CREB5: variants seen among roughly 807,000 people sequenced by gnomAD.
The protein encoded by CREB5 is cyclic AMP-responsive element-binding protein 5.
CREB5 carries 19 observed loss-of-function variants against 57.1 expected under a neutral mutation model. The ratio of observed to expected loss-of-function variants is 0.33; its 90% CI spans 0.23 to 0.49. The LOEUF (loss-of-function observed/expected upper bound fraction) is 0.49. Ranked by LOEUF, CREB5 falls within the 20% of genes least tolerant of loss-of-function variation. CREB5 has a pLI of 0.99. For missense variants in CREB5, 579 were observed against 671.6 expected (o/e 0.86, Z 1.52); for synonymous variants, 238 against 238.3 (o/e 1.00, Z 0.01).
intron 5 of CREB5, among the ~76,000 whole-genome samples, chr7:28,633,691 A>C: frequency 6.6e-6 from 1 of 152,126 alleles, no homozygotes; most frequent in East Asian, 1.9e-4. Flanking sequence ...CAGCCATGAC[A>C]GTAGTGGGGG....
At chr7:28,546,167 G>A (rs1794415802) in intron 4 of CREB5, among the ~76,000 whole-genome samples, 2 of 152,160 alleles carry the variant, frequency 1.3e-5, no homozygotes, top group South Asian at 4.1e-4. Flanking sequence ...GACTGGTTTT[G>A]TTTATTTAGC....
intron 4 of CREB5, among the ~76,000 whole-genome samples, chr7:28,551,943 CTTT>C (rs1794672241): frequency 8.2e-6 from 1 of 121,260 alleles, no homozygotes; most frequent in Non-Finnish European, 1.7e-5. Context: ...TTTTTTCTCT[CTTT>C]TTTATTCTTT....
At chr7:28,719,804 G>C (rs1194266950) in intron 6 of CREB5, among the ~76,000 whole-genome samples, 1 of 152,208 alleles carries the variant, frequency 6.6e-6, no homozygotes, top group Non-Finnish European at 1.5e-5. Flanking sequence ...GCTCTCGCCT[G>C]TAATCCCAGC....
chr7:28,488,352 A>C, intron 2 of CREB5, 106 bp downstream of exon 2: 1 of 894,358 alleles, frequency 1.1e-6, no homozygotes, highest in Non-Finnish European at 1.8e-6. Flanking sequence ...CTTCTTTACC[A>C]AGACACCACC....
At chr7:28,390,430 T>C (rs1317718888) in intron 1 of CREB5, among the ~76,000 whole-genome samples, 1 of 152,170 alleles carries the variant, frequency 6.6e-6, no homozygotes, top group African/African-American at 2.4e-5. Flanking sequence ...AAACCAGAAA[T>C]GAAATATGTT....
intron 8 of CREB5, among the ~76,000 whole-genome samples, chr7:28,804,996 TA>T (rs1808624451): frequency 1.3e-5 from 2 of 152,314 alleles, no homozygotes; most frequent in South Asian, 4.1e-4. Context: ...ATCTTCTGAG[TA>T]ACAGTGAATG....
At chr7:28,617,366 G>A (rs561813049) in intron 5 of CREB5, among the ~76,000 whole-genome samples, 4 of 152,318 alleles carry the variant, frequency 2.6e-5, no homozygotes, top group South Asian at 2.1e-4. Flanking sequence ...ATGAGGACTG[G>A]TTTGAGGACA....
At chr7:28,386,590 GC>G (rs1787109869) in intron 1 of CREB5, among the ~76,000 whole-genome samples, 1 of 152,068 alleles carries the variant, frequency 6.6e-6, no homozygotes, top group African/African-American at 2.4e-5. Flanking sequence ...AAAATTCTAT[GC>G]CATTTTTACT....
intron 1 of CREB5, among the ~76,000 whole-genome samples, chr7:28,455,508 T>TA (rs939206319): frequency 1.3e-5 from 2 of 152,222 alleles, no homozygotes; most frequent in Non-Finnish European, 2.9e-5. Context: ...ATGCTGTTTG[T>TA]AAATTAAATC....
chr7:28,365,779 C>A (rs62451075), intron 1 of CREB5, among the ~76,000 whole-genome samples: 66,749 of 151,948 alleles, frequency 0.44, 14,839 homozygotes, highest in East Asian at 0.53. Flanking sequence ...CAGCCAAACG[C>A]TCCCTCTTTA....
intron 1 of CREB5, among the ~76,000 whole-genome samples, chr7:28,356,487 C>A (rs1296428496): frequency 6.6e-5 from 10 of 152,162 alleles, no homozygotes; most frequent in Admixed American, 6.5e-4. Flanking sequence ...TGATCCTTTA[C>A]CCAGGCTGGC....
chr7:28,442,269 A>T (rs1056765436), intron 1 of CREB5, among the ~76,000 whole-genome samples: 1 of 152,066 alleles, frequency 6.6e-6, no homozygotes, highest in African/African-American at 2.4e-5. Flanking sequence ...GAATGACAGG[A>T]TTTCATTCTT....
At chr7:28,413,868 A>G (rs1056653561) in intron 1 of CREB5, among the ~76,000 whole-genome samples, 1 of 152,188 alleles carries the variant, frequency 6.6e-6, no homozygotes, top group African/African-American at 2.4e-5. Context: ...CCACACCTGC[A>G]CATTCAAAAC....
chr7:28,766,601 T>C (rs1313896941), intron 7 of CREB5, among the ~76,000 whole-genome samples: 1 of 152,208 alleles, frequency 6.6e-6, no homozygotes, highest in African/African-American at 2.4e-5. Context: ...AAAAGTTGAA[T>C]GTGTCAGTGC....
At chr7:28,306,546 G>GTT (rs796910262) in intron 1 of CREB5, among the ~76,000 whole-genome samples, 47 of 93,506 alleles carry the variant, frequency 5.0e-4, no homozygotes, top group African/African-American at 6.0e-4. Context: ...ATACAGTTTT[G>GTT]TTTTTTTTGT....
At chr7:28,559,504 G>A (rs548501457) in intron 4 of CREB5, among the ~76,000 whole-genome samples, 30 of 152,102 alleles carry the variant, frequency 2.0e-4, no homozygotes, top group South Asian at 1.9e-3. Context: ...TAGTAGAGAC[G>A]GGATTTCACC....
At position 28,704,417 on chromosome 7, in the gene CREB5, G is replaced by C. The variant is rs554993019; in HGVS notation, c.465-14336G>C. 2.6e-5 allele frequency among the ~76,000 whole-genome samples: 4 copies of C among 152,092 alleles called. No individual in the cohort carries two copies. The South Asian group carries it at 8.3e-4, about 32-fold the overall frequency. ...CTCATCTATATGTGTCCACCTTTGAGGAAAATCTACCTTTAACTGACGTGT... is the reference window on the plus strand; with the variant it reads ...CTCATCTATATGTGTCCACCTTTGACGAAAATCTACCTTTAACTGACGTGT... On this transcript the variant is annotated intron_variant, in intron 5 of 10. Transcript: ENST00000357727.
intron 1 of CREB5, among the ~76,000 whole-genome samples, chr7:28,352,533 T>A (rs1310471699): frequency 1.3e-5 from 2 of 152,234 alleles, no homozygotes; most frequent in African/African-American, 4.8e-5. Context: ...TTGACACTGT[T>A]AAGGACCTGA....
intron 4 of CREB5, among the ~76,000 whole-genome samples, chr7:28,518,331 C>A (rs762562924): frequency 6.6e-6 from 1 of 152,134 alleles, no homozygotes; most frequent in Non-Finnish European, 1.5e-5. Context: ...GAAAAGCAGT[C>A]GTGTTTTGTG....
Sources: gnomAD v4.1 joint callset for allele counts (sites outside exome capture counted in the v4.1 genomes callset) on GRCh38, gnomAD v4.1.1 for gene constraint, MANE v1.5 for transcripts, NCBI Gene and HGNC (gene_info 2026-07-23, HGNC 2026-07-21) for gene names.